The following DNAI7 variants were observed in gnomAD, a reference collection of about 807,000 sequenced individuals.
DNAI7 encodes cancer susceptibility 1.
Under a neutral mutation model 86.6 loss-of-function variants are expected in DNAI7, and 78 were observed. The ratio of observed to expected loss-of-function variants is 0.90; its 90% CI spans 0.75 to 1.09. The LOEUF (loss-of-function observed/expected upper bound fraction) is 1.09. Ranked by LOEUF, DNAI7 falls within the 50% of genes least tolerant of loss-of-function variation. The probability of loss-of-function intolerance (pLI) is 0.00; values close to 1 mark genes in which losing one functional copy is unlikely to be tolerated. For synonymous variants in DNAI7, 274 were observed against 273.0 expected, an observed-to-expected ratio of 1.00 and a Z score of -0.04; for missense variants, 753 against 810.2, an observed-to-expected ratio of 0.93 and a Z score of 0.86.
At chr12:25,124,221 C>G (rs1202987310) in intron 9 of DNAI7, among the ~76,000 whole-genome samples, 1 of 152,070 alleles carries the variant, frequency 6.6e-6, no homozygotes, top group Non-Finnish European at 1.5e-5. Context: ...AGACAAGTCC[C>G]CCTTAGTAGA....
chr12:25,116,531 C>G (rs1940143451), intron 12 of DNAI7, among the ~76,000 whole-genome samples: 2 of 145,266 alleles, frequency 1.4e-5, no homozygotes, highest in Non-Finnish European at 3.1e-5. Flanking sequence ...CAGAGTTTCA[C>G]TCTTGTCACC....
At chr12:25,162,061 T>C (rs1946891528) in intron 2 of DNAI7, among the ~76,000 whole-genome samples, 2 of 152,166 alleles carry the variant, frequency 1.3e-5, no homozygotes, top group Admixed American at 1.3e-4. Flanking sequence ...ATAGAATAGA[T>C]GGCATCTAAA....
At chr12:25,112,739 T>C (rs755261356) in intron 13 of DNAI7, among the ~76,000 whole-genome samples, 1 of 152,194 alleles carries the variant, frequency 6.6e-6, no homozygotes, top group African/African-American at 2.4e-5. Context: ...GTTAATAATA[T>C]ATTTCATTTA....
At chr12:25,174,872 A>G (rs533064893) in intron 2 of DNAI7, among the ~76,000 whole-genome samples, 5 of 151,656 alleles carry the variant, frequency 3.3e-5, no homozygotes, top group African/African-American at 9.7e-5. Flanking sequence ...TGGAAAACCA[A>G]ATATTGTATG....
chr12:25,124,032 T>TTGTGTGTG (rs57454187), intron 9 of DNAI7, among the ~76,000 whole-genome samples: 12,896 of 144,600 alleles, frequency 0.089, 733 homozygotes, highest in Non-Finnish European at 0.12. Flanking sequence ...AGTATAAAAA[T>TTGTGTGTG]TGTGTGTGTG....
intron 9 of DNAI7, among the ~76,000 whole-genome samples, chr12:25,126,434 A>C (rs1942143410): frequency 6.6e-6 from 1 of 152,158 alleles, no homozygotes; most frequent in Non-Finnish European, 1.5e-5. Flanking sequence ...AGTGTAGACA[A>C]GATCAGGACC....
Position 25,108,831 on chromosome 12 carries a change from A to AAAAAAAGAAAAAAAAAAAAAAG in DNAI7, c.1894-9_1894-8insCTTTTTTTTTTTTTTCTTTTTT. On this transcript the variant is annotated splice_polypyrimidine_tract_variant and intron_variant, in intron 15 of 15. Coordinates refer to ENST00000395987, the MANE Select transcript of DNAI7 (RefSeq NM_018272.5). The stretch of plus-strand genomic sequence containing the variant: ...AGTAAGGTGTTCCCTCACCTAAAAA[A>AAAAAAAGAAAAAAAAAAAAAAG]AAAAAAAATTCAAGCAAGTTGTTAA... 1 of 1,100,696 alleles carries AAAAAAAGAAAAAAAAAAAAAAG rather than the reference A, an allele frequency of 9.1e-7. No homozygotes were observed. Among genetic ancestry groups the AAAAAAAGAAAAAAAAAAAAAAG allele is most frequent in the Admixed American group, 3.0e-5 (1 of 33,690 alleles). The allele number at this position is 1,100,696 out of a possible 1,614,324, so 68.2% of individuals were successfully genotyped here. A position where few individuals can be genotyped will look rare whatever the true frequency, so the allele number is the denominator to read the frequency against.
Position 25,189,664 on chromosome 12 carries a change from C to T in DNAI7, c.21+950G>A, listed in dbSNP as rs1333601784. On this transcript the variant is annotated intron_variant, in intron 2 of 15. Transcript: ENST00000395987. ...CTCTAAAATACAAAACAAAACAAAA[C>T]CAAGAAAATACAGAGTATAATTGAT... 2.6e-5 allele frequency among the ~76,000 whole-genome samples: 4 copies of T among 151,880 alleles called. No homozygotes were observed. In the East Asian group the frequency reaches 7.7e-4, roughly 29 times the overall value.
At chr12:25,153,002 G>C (rs1463379976) in intron 6 of DNAI7, among the ~76,000 whole-genome samples, 1 of 152,080 alleles carries the variant, frequency 6.6e-6, no homozygotes, top group South Asian at 2.1e-4. Flanking sequence ...CCATTCTTCT[G>C]TATCCCTTCT....
intron 2 of DNAI7, among the ~76,000 whole-genome samples, chr12:25,169,428 G>T (rs1403894432): frequency 6.6e-6 from 1 of 152,042 alleles, no homozygotes; most frequent in Admixed American, 6.6e-5. Flanking sequence ...TCTCTTTTCG[G>T]ACTCAGCCTA....
Position 25,128,821 on chromosome 12 carries a change from CT to C in DNAI7, c.1003-5536del, listed in dbSNP as rs1942488312. ...CAGTACTATTTAACTAGACACTGTG[CT>C]TTTATTCTGGCCCCTCACAATTTGT... On this transcript the variant is annotated intron_variant, in intron 9 of 15. Coordinates refer to ENST00000395987, the MANE Select transcript of DNAI7 (RefSeq NM_018272.5). Among the ~76,000 whole-genome samples, 9 of 152,198 alleles carry C rather than the reference CT, an allele frequency of 5.9e-5. No homozygotes were observed. In the South Asian group the frequency reaches 1.7e-3, roughly 28 times the overall value.
At chr12:25,161,041 CT>C (rs1946786329) in intron 3 of DNAI7, 71 bp downstream of exon 3, 1 of 1,086,602 alleles carries the variant, frequency 9.2e-7, no homozygotes, top group Middle Eastern at 2.0e-4. Context: ...AAAATATTGA[CT>C]TTACTACAAA....
intron 9 of DNAI7, among the ~76,000 whole-genome samples, chr12:25,135,767 C>G (rs1489360902): frequency 1.3e-5 from 2 of 151,724 alleles, no homozygotes; most frequent in Non-Finnish European, 2.9e-5. Flanking sequence ...TATGACACAG[C>G]AGAGGCAGCC....
chr12:25,156,375 C>T (rs10842493), intron 4 of DNAI7, among the ~76,000 whole-genome samples: 45,134 of 152,084 alleles, frequency 0.3, 7,385 homozygotes, highest in Non-Finnish European at 0.36. Flanking sequence ...TTGCCAATGA[C>T]AAAATTCAAG....
chr12:25,108,767 C>T lies in DNAI7; in HGVS notation c.1950G>A (p.Met650Ile), dbSNP rs752442184. The change falls in exon 16 of 16, where the codon ATG (methionine) becomes ATA (isoleucine). Residue 650 changes from methionine to isoleucine, a missense_variant. Met to Ile is a conservative substitution (Grantham distance 10). Coordinates refer to ENST00000395987, the MANE Select transcript of DNAI7 (RefSeq NM_018272.5). ...GTCTTTGTGCTCTGTCACCACTAAA[C>T]ATTAAAAGGGCCCAATTAGGATTCT... ...CTENPNWALL[M>I]FSGDRAQRLK... is the part of the protein sequence containing the mutation. The T allele has an allele frequency of 6.3e-6, 9 of 1,420,696 alleles. No homozygotes were observed. Among genetic ancestry groups the T allele is most frequent in the Non-Finnish European group, 8.5e-6 (9 of 1,062,234 alleles). 88.0% of individuals were successfully genotyped at this position (1,420,696 alleles called of 1,614,324 possible). A position where few individuals can be genotyped will look rare whatever the true frequency, so the allele number is the denominator to read the frequency against.
At chr12:25,146,201 A>G (rs1157848674) in intron 8 of DNAI7, among the ~76,000 whole-genome samples, 4 of 151,436 alleles carry the variant, frequency 2.6e-5, no homozygotes, top group Non-Finnish European at 5.9e-5. Context: ...CAGCCTGGGC[A>G]ACAAGAGCCA....
intron 6 of DNAI7, among the ~76,000 whole-genome samples, chr12:25,151,957 CTG>C (rs1488888270): frequency 1.3e-5 from 2 of 152,128 alleles, no homozygotes; most frequent in African/African-American, 4.8e-5. Context: ...AAGCATAAAA[CTG>C]TGAGGAAGTG....
intron 2 of DNAI7, among the ~76,000 whole-genome samples, chr12:25,174,038 AATATATATATC>A (rs372373209): frequency 1.3e-4 from 17 of 130,124 alleles, no homozygotes; most frequent in South Asian, 2.4e-4. Context: ...ATATTTATGG[AATATATATATC>A]ATATATATAT....
At chr12:25,126,668 G>A (rs979040393) in intron 9 of DNAI7, among the ~76,000 whole-genome samples, 5 of 152,118 alleles carry the variant, frequency 3.3e-5, no homozygotes, top group African/African-American at 1.2e-4. Flanking sequence ...CAGGTTTGGG[G>A]GAAAAGTAAT....
Sources: allele counts gnomAD v4.1 joint callset (sites outside exome capture counted in the v4.1 genomes callset), GRCh38; gene constraint gnomAD v4.1.1; transcripts MANE v1.5; gene names NCBI Gene and HGNC (gene_info 2026-07-23, HGNC 2026-07-21).